The following TMEM204 variants were observed in gnomAD, a reference collection of about 807,000 sequenced individuals.
The protein encoded by TMEM204 is transmembrane protein 204, also known as claudin-like protein 24.
In TMEM204, 15 loss-of-function variants were observed where a neutral mutation model predicts 19.4. The observed-to-expected ratio is 0.77, with a 90% CI of 0.52 to 1.19. The LOEUF (loss-of-function observed/expected upper bound fraction) is 1.19, where lower values mean the gene tolerates loss of function less well. Among genes scored for constraint, TMEM204 ranks in the 50% most tolerant of loss-of-function variants. TMEM204 has a pLI of 0.00. For synonymous variants in TMEM204, 161 were observed against 146.0 expected (o/e 1.10, Z -0.74); for missense variants, 287 against 321.2 (o/e 0.89, Z 0.81).
chr16:1,541,795 T>C, intron 1 of TMEM204, 126 bp from the exon 2 acceptor site: 1 of 1,180,348 alleles, frequency 8.5e-7, no homozygotes, highest in Non-Finnish European at 1.2e-6. Context: ...CACTGCCCAA[T>C]GGAGGCACAG....
At chr16:1,541,375 C>T (rs371302513) in intron 1 of TMEM204, 30 of 985,290 alleles carry the variant, frequency 3.0e-5, no homozygotes, top group East Asian at 1.1e-4. Flanking sequence ...TGCTTCTCCT[C>T]GGTCCCAAGT....
intron 2 of TMEM204, among the ~76,000 whole-genome samples, chr16:1,552,620 T>C (rs2032747902): frequency 6.6e-6 from 1 of 152,066 alleles, no homozygotes; most frequent in African/African-American, 2.4e-5. Context: ...AGAAGTTTCC[T>C]TTGTTAGTAT....
At chr16:1,545,066 C>G (rs988628346) in intron 2 of TMEM204, among the ~76,000 whole-genome samples, 1 of 152,240 alleles carries the variant, frequency 6.6e-6, no homozygotes, top group African/African-American at 2.4e-5. Flanking sequence ...TATTTCAGGA[C>G]AAGATAGTGT....
At chr16:1,537,767 G>A (rs1000032230) in intron 1 of TMEM204, among the ~76,000 whole-genome samples, 1 of 152,214 alleles carries the variant, frequency 6.6e-6, no homozygotes, top group Non-Finnish European at 1.5e-5. Context: ...GGGAACAGAT[G>A]ACCGTGTGAT....
Position 1,554,825 on chromosome 16 carries a change from C to A in TMEM204, c.480C>A (p.Gly160=). Residue 160 remains glycine (G), a synonymous_variant, in exon 3 of 3, where the codon GGC becomes GGA. Transcript: ENST00000566264. The stretch of plus-strand genomic sequence containing the variant: ...GGCTCGTGACTTTCTACAGAATTGG[C>A]CCATACACCAACCTGTCCTGGTCCT... ...VIGLVTFYRI[G]PYTNLSWSCY... 1 of 1,614,194 alleles carries A rather than the reference C, an allele frequency of 6.2e-7. No homozygotes were observed. Among genetic ancestry groups the A allele is most frequent in the Non-Finnish European group, 8.5e-7 (1 of 1,180,032 alleles).
In TMEM204 at chr16:1,555,270, C is replaced by T. The variant is rs79270517; in HGVS notation, c.*244C>T. 230 of 511,360 alleles carry T rather than the reference C, an allele frequency of 4.5e-4. 1 individual carries two copies. Among genetic ancestry groups the T allele is most frequent in the African/African-American group, 4.1e-3 (215 of 52,140 alleles). The allele number at this position is 511,360 out of a possible 1,614,324, so 31.7% of individuals were successfully genotyped here. On this transcript the variant is annotated 3_prime_UTR_variant, in exon 3 of 3. Coordinates refer to ENST00000566264, the MANE Select transcript of TMEM204 (RefSeq NM_024600.6). ...TCCTGGTTAGCGCAACGCGGCTCCA[C>T]GACCACACGCACTTCAGGGTGGAAG...
At chr16:1,550,276 G>A (rs2032526357) in intron 2 of TMEM204, among the ~76,000 whole-genome samples, 1 of 152,328 alleles carries the variant, frequency 6.6e-6, no homozygotes, top group Non-Finnish European at 1.5e-5. Flanking sequence ...GTTCTTGGAA[G>A]CAGACAGATG....
intron 2 of TMEM204, among the ~76,000 whole-genome samples, chr16:1,545,632 G>C (rs867447633): frequency 1.3e-5 from 2 of 152,174 alleles, no homozygotes; most frequent in Admixed American, 6.5e-5. Flanking sequence ...AGTGAACCTC[G>C]ATCCCAGGGC....
At chr16:1,546,133 G>A (rs2032152655) in intron 2 of TMEM204, among the ~76,000 whole-genome samples, 1 of 152,246 alleles carries the variant, frequency 6.6e-6, no homozygotes, top group Non-Finnish European at 1.5e-5. Flanking sequence ...GGCAGAGAGG[G>A]AAAGGAGTAT....
At chr16:1,541,792 C>T in intron 1 of TMEM204, 129 bp from the exon 2 acceptor site, 2 of 1,151,570 alleles carry the variant, frequency 1.7e-6, no homozygotes, top group South Asian at 3.1e-5. Context: ...AGCCACTGCC[C>T]AATGGAGGCA....
intron 1 of TMEM204, among the ~76,000 whole-genome samples, chr16:1,536,669 C>CA (rs1426243761): frequency 6.6e-6 from 1 of 152,130 alleles, no homozygotes; most frequent in African/African-American, 2.4e-5. Flanking sequence ...GGAGTGCAGC[C>CA]ACCACATCCC....
chr16:1,533,883 G>C lies in TMEM204; in HGVS notation c.-393G>C, dbSNP rs1303184457. ...GTGCTAAGGAGTGTGGCGCGGGCTC[G>C]ACTCCCACTGCTGCCGGCCTCCCGA... On this transcript the variant is annotated 5_prime_UTR_variant, in exon 1 of 3. Coordinates refer to ENST00000566264, the MANE Select transcript of TMEM204 (RefSeq NM_024600.6). This position sits in a 1 kb window ranked among gnomAD's most constrained non-coding sequence, Gnocchi z 4.7. 1.4e-5 allele frequency: 4 copies of C among 281,816 alleles called. No homozygotes were observed. The allele number at this position is 281,816 out of a possible 1,614,324, so 17.5% of individuals were successfully genotyped here.
intron 1 of TMEM204, among the ~76,000 whole-genome samples, chr16:1,537,306 C>T (rs573411644): frequency 3.9e-5 from 6 of 152,366 alleles, no homozygotes; most frequent in Middle Eastern, 3.4e-3. Context: ...CGCTGAGGCC[C>T]GCGTGGATGT....
chr16:1,550,603 C>T (rs1469190259), intron 2 of TMEM204, among the ~76,000 whole-genome samples: 6 of 152,114 alleles, frequency 3.9e-5, no homozygotes, highest in Admixed American at 2.0e-4. Flanking sequence ...CTAGGGCACC[C>T]GGCAGGCTGC....
intron 2 of TMEM204, among the ~76,000 whole-genome samples, chr16:1,542,823 C>G (rs1447805830): frequency 6.6e-6 from 1 of 152,238 alleles, no homozygotes; most frequent in Admixed American, 6.5e-5. Context: ...GGCGAGGGGC[C>G]ATTGGTGCTC....
At chr16:1,541,455 C>A in intron 1 of TMEM204, 1 of 985,438 alleles carries the variant, frequency 1.0e-6, no homozygotes, top group Non-Finnish European at 1.2e-6. Context: ...GCACGCAGGA[C>A]AGCACGCCTG....
chr16:1,544,711 C>T (rs1051670135), intron 2 of TMEM204, among the ~76,000 whole-genome samples: 14 of 151,750 alleles, frequency 9.2e-5, no homozygotes, highest in Admixed American at 2.0e-4. Context: ...TGCAGTGGCG[C>T]GATCTCGGCT....
At chr16:1,538,967 C>T (rs1268241046) in intron 1 of TMEM204, among the ~76,000 whole-genome samples, 1 of 152,156 alleles carries the variant, frequency 6.6e-6, no homozygotes, top group Admixed American at 6.5e-5. Flanking sequence ...GGCAAAAGCG[C>T]CCCCTACCTC....
intron 2 of TMEM204, among the ~76,000 whole-genome samples, chr16:1,552,687 C>T (rs1391292622): frequency 2.9e-5 from 4 of 139,144 alleles, no homozygotes; most frequent in South Asian, 4.5e-4. Context: ...CTCGCTCTGT[C>T]GCCAAGGCTG....
Sources: allele counts gnomAD v4.1 joint callset (sites outside exome capture counted in the v4.1 genomes callset), GRCh38; gene constraint gnomAD v4.1.1; non-coding constraint Gnocchi (gnomAD v3.1); transcripts MANE v1.5; gene names NCBI Gene and HGNC (gene_info 2026-07-23, HGNC 2026-07-21).